Variants in MGAT5 observed in about 807,000 individuals in gnomAD.
MGAT5 encodes alpha-1,6-mannosylglycoprotein 6-beta-N-acetylglucosaminyltransferase A.
MGAT5 carries 30 observed loss-of-function variants against 94.3 expected under a neutral mutation model. The observed-to-expected ratio is 0.32, with a 90% confidence interval of 0.24 to 0.43. The LOEUF is 0.43. Ranked by LOEUF, MGAT5 falls within the 20% of genes least tolerant of loss-of-function variation. The pLI is 1.00. For missense variants in MGAT5, 691 were observed against 905.5 expected, an observed-to-expected ratio of 0.76 and a Z score of 3.04; for synonymous variants, 310 against 322.9, an observed-to-expected ratio of 0.96 and a Z score of 0.43.
chr2:134,160,997 A>G (rs970540856), intron 1 of MGAT5, among the ~76,000 whole-genome samples: 2 of 152,248 alleles, frequency 1.3e-5, no homozygotes, highest in Non-Finnish European at 2.9e-5. Context: ...AGCAGAGAAC[A>G]TCTGTGAGCC....
chr2:134,384,695 TGA>T (rs1192102320), intron 10 of MGAT5, among the ~76,000 whole-genome samples: 19 of 152,324 alleles, frequency 1.2e-4, no homozygotes, highest in African/African-American at 4.1e-4. Context: ...TGAAAAATCT[TGA>T]AAACTACAGA....
At chr2:134,369,727 T>TTTTGTGTGTGTGTG (rs1553455659) in intron 10 of MGAT5, among the ~76,000 whole-genome samples, 1 of 142,196 alleles carries the variant, frequency 7.0e-6, no homozygotes, top group South Asian at 2.4e-4. Flanking sequence ...GGTTTTTACA[T>TTTTGTGTGTGTGTG]TGTGTGTGTG....
At chr2:134,403,244 C>A in intron 11 of MGAT5, 107 bp downstream of exon 11, 1 of 1,221,042 alleles carries the variant, frequency 8.2e-7, no homozygotes, top group East Asian at 2.8e-5. Flanking sequence ...ACTCTTGTGG[C>A]TATTTTGGGG....
rs370817538 is a variant in MGAT5 at position 134,389,968 on chromosome 2, G to A, written c.1381-13020G>A. ...TAACTAGGACAGGCAGGGCGTTGGT[G>A]TGGTTTCATCACTTTTTCCCAATCC... On this transcript the variant is annotated intron_variant, in intron 10 of 15. Transcript: ENST00000281923. Among the ~76,000 whole-genome samples the A allele has an allele frequency of 2.0e-5, 3 of 152,172 alleles. No homozygotes were observed. In the East Asian group the frequency reaches 5.8e-4, roughly 29 times the overall value.
At chr2:134,398,076 C>T (rs1682820532) in intron 10 of MGAT5, among the ~76,000 whole-genome samples, 1 of 152,028 alleles carries the variant, frequency 6.6e-6, no homozygotes, top group African/African-American at 2.4e-5. Context: ...GCTGAGTATC[C>T]CTTATCCAAA....
chr2:134,126,224 C>T (rs1045998572), intron 1 of MGAT5, among the ~76,000 whole-genome samples: 1 of 152,226 alleles, frequency 6.6e-6, no homozygotes, highest in African/African-American at 2.4e-5. Context: ...TAAATAGTCA[C>T]TGGCTACCCA....
intron 9 of MGAT5, among the ~76,000 whole-genome samples, chr2:134,356,678 C>A (rs1308023999): frequency 6.6e-6 from 1 of 152,076 alleles, no homozygotes; most frequent in Non-Finnish European, 1.5e-5. Flanking sequence ...GCAAGTTTTC[C>A]CAGGGTCCTC....
chr2:134,266,193 A>G (rs1683705587), intron 1 of MGAT5, among the ~76,000 whole-genome samples: 1 of 151,852 alleles, frequency 6.6e-6, no homozygotes, highest in Non-Finnish European at 1.5e-5. Flanking sequence ...AAACACAAAA[A>G]TACTGTTATT....
chr2:134,304,068 T>G (rs1686187955), intron 2 of MGAT5, among the ~76,000 whole-genome samples: 1 of 152,182 alleles, frequency 6.6e-6, no homozygotes, highest in South Asian at 2.1e-4. Flanking sequence ...AATGCATAGT[T>G]TCTCTGCTTT....
intron 9 of MGAT5, among the ~76,000 whole-genome samples, chr2:134,353,429 A>G (rs1679519054): frequency 6.6e-6 from 1 of 152,202 alleles, no homozygotes; most frequent in Non-Finnish European, 1.5e-5. Context: ...TAGTATACAA[A>G]AAGAGGAGAG....
intron 10 of MGAT5, among the ~76,000 whole-genome samples, chr2:134,400,201 T>C (rs1239280142): frequency 1.3e-5 from 2 of 152,166 alleles, no homozygotes; most frequent in Non-Finnish European, 2.9e-5. Flanking sequence ...ATGAGAGGCT[T>C]CTGGGGCACC....
At chr2:134,241,632 A>T (rs542714292) in intron 1 of MGAT5, among the ~76,000 whole-genome samples, 1 of 152,358 alleles carries the variant, frequency 6.6e-6, no homozygotes, top group South Asian at 2.1e-4. Flanking sequence ...CAAAGATAGT[A>T]TCAAAATGAA....
At chr2:134,385,526 C>G (rs1681918057) in intron 10 of MGAT5, among the ~76,000 whole-genome samples, 1 of 152,172 alleles carries the variant, frequency 6.6e-6, no homozygotes, top group Non-Finnish European at 1.5e-5. Flanking sequence ...GCCCCTCACT[C>G]CCTCGCTATG....
chr2:134,284,547 C>T (rs778407302), intron 2 of MGAT5, among the ~76,000 whole-genome samples: 5 of 150,312 alleles, frequency 3.3e-5, no homozygotes, highest in Non-Finnish European at 7.4e-5. Context: ...ACCCTGTGTG[C>T]TAAACATATT....
chr2:134,447,616 G>A (rs1442241632), intron 15 of MGAT5, among the ~76,000 whole-genome samples: 3 of 152,190 alleles, frequency 2.0e-5, no homozygotes, highest in Admixed American at 2.0e-4. Flanking sequence ...GATACAGCAT[G>A]GGTTCCCACC....
chr2:134,384,571 A>AT (rs1188219379), intron 10 of MGAT5, among the ~76,000 whole-genome samples: 1 of 152,238 alleles, frequency 6.6e-6, no homozygotes, highest in South Asian at 2.1e-4. Context: ...GATTTTTACA[A>AT]TTACACATTT....
At chr2:134,247,373 A>C (rs1443007875) in intron 1 of MGAT5, among the ~76,000 whole-genome samples, 9 of 147,410 alleles carry the variant, frequency 6.1e-5, no homozygotes, top group Non-Finnish European at 1.0e-4. Flanking sequence ...AAAAAAAAAA[A>C]ACAAAAAAAA....
At chr2:134,444,896 C>T (rs1353876228) in intron 15 of MGAT5, among the ~76,000 whole-genome samples, 3 of 152,062 alleles carry the variant, frequency 2.0e-5, no homozygotes, top group Admixed American at 1.3e-4. Context: ...GATTCAGGTG[C>T]GACCCACATC....
chr2:134,362,510 A>G (rs968168379), intron 10 of MGAT5, 102 bp downstream of exon 10: 110 of 1,366,156 alleles, frequency 8.1e-5, no homozygotes, highest in Non-Finnish European at 1.1e-4. Context: ...CCCAGGGCTT[A>G]ATGGGATCTA....
Sources: allele counts gnomAD v4.1 joint callset (sites outside exome capture counted in the v4.1 genomes callset), GRCh38; gene constraint gnomAD v4.1.1; transcripts MANE v1.5; gene names NCBI Gene and HGNC (gene_info 2026-07-23, HGNC 2026-07-21).